Variants in RPS6KA2 observed in about 807,000 individuals in gnomAD.
RPS6KA2 encodes ribosomal protein S6 kinase A2, also known as ribosomal protein S6 kinase alpha-2.
RPS6KA2 carries 42 observed loss-of-function variants against 91.8 expected under a neutral mutation model. The observed-to-expected ratio is 0.46, with a 90% confidence interval of 0.36 to 0.59. The LOEUF is 0.59. RPS6KA2 is among the 20% of genes least tolerant of loss of function. RPS6KA2 has a pLI of 0.00. For missense variants in RPS6KA2, 798 were observed against 978.5 expected (o/e 0.82, Z 2.46); for synonymous variants, 414 against 393.6 (o/e 1.05, Z -0.61).
intron 2 of RPS6KA2, among the ~76,000 whole-genome samples, chr6:166,789,055 C>T (rs981420283): frequency 9.2e-5 from 14 of 152,210 alleles, no homozygotes; most frequent in African/African-American, 2.9e-4. Context: ...TGAAGCAGGG[C>T]GAGGCATTAC....
At chr6:166,454,527 C>T (rs531799271) in intron 12 of RPS6KA2, among the ~76,000 whole-genome samples, 4 of 151,766 alleles carry the variant, frequency 2.6e-5, no homozygotes, top group South Asian at 4.2e-4. Context: ...AACAAGCAAA[C>T]GAAAAAATCC....
At position 166,504,648 on chromosome 6, in the gene RPS6KA2, G is replaced by A. The variant is rs745518757; in HGVS notation, c.460-36C>T. The A allele has an allele frequency of 7.1e-6, 10 of 1,417,112 alleles. No individual in the cohort carries two copies. The African/African-American group carries it at 8.5e-5, about 12-fold the overall frequency. 87.8% of individuals were successfully genotyped at this position (1,417,112 alleles called of 1,614,324 possible). On this transcript the variant is annotated intron_variant, in intron 5 of 20. Transcript: ENST00000265678. Reference sequence around the variant, plus strand: ...AAAAACAAAAACAAAAACAAAAAACGTTTAACTTGTTTTATGGCTGGTGTG... The same window carrying A: ...AAAAACAAAAACAAAAACAAAAAACATTTAACTTGTTTTATGGCTGGTGTG...
At chr6:166,680,106 G>A (rs939691663) in intron 2 of RPS6KA2, among the ~76,000 whole-genome samples, 1 of 152,130 alleles carries the variant, frequency 6.6e-6, no homozygotes, top group Non-Finnish European at 1.5e-5. Context: ...CTAACGGTTT[G>A]TAAACGTGCC....
At chr6:166,619,728 G>A (rs1016368547) in intron 1 of RPS6KA2, among the ~76,000 whole-genome samples, 9 of 152,240 alleles carry the variant, frequency 5.9e-5, no homozygotes, top group African/African-American at 2.2e-4. Flanking sequence ...CAGAACAAGA[G>A]GCTTCCTTGG....
intron 2 of RPS6KA2, among the ~76,000 whole-genome samples, chr6:166,679,332 C>T (rs976920386): frequency 2.6e-5 from 4 of 151,332 alleles, no homozygotes; most frequent in East Asian, 1.9e-4. Flanking sequence ...GGCATGGTGG[C>T]GGGTGCCTGT....
rs1056280922 is a variant in RPS6KA2, at chr6:166,689,061, G to A, written c.124-150277C>T. On this transcript the variant is annotated intron_variant, in intron 2 of 21. Transcript: ENST00000503859. The stretch of plus-strand genomic sequence containing the variant: ...CTGAGTACAAGGGGAACCTCCTGCC[G>A]AAGGCCAGCCCTGAGCAGGTCCTCC... Among the ~76,000 whole-genome samples the A allele has an allele frequency of 2.6e-5, 4 of 152,230 alleles. 1 individual carries two copies. In the East Asian group the frequency reaches 5.8e-4, roughly 22 times the overall value.
At chr6:166,415,668 C>T (rs1425976639) in intron 19 of RPS6KA2, among the ~76,000 whole-genome samples, 1 of 152,124 alleles carries the variant, frequency 6.6e-6, no homozygotes, top group East Asian at 1.9e-4. Flanking sequence ...AGACACACCA[C>T]CAGCACCCAC....
chr6:166,860,205 G>A (rs1315470240), intron 1 of RPS6KA2, among the ~76,000 whole-genome samples: 6 of 152,060 alleles, frequency 3.9e-5, no homozygotes, highest in Admixed American at 3.3e-4. Flanking sequence ...AAAGAACTCT[G>A]GTTTTCTGGG....
intron 2 of RPS6KA2, among the ~76,000 whole-genome samples, chr6:166,692,281 G>A (rs1471730649): frequency 1.3e-5 from 2 of 152,114 alleles, no homozygotes; most frequent in Non-Finnish European, 1.5e-5. Flanking sequence ...AATAAAAGAA[G>A]CAAACAGCGC....
Position 166,476,684 on chromosome 6 carries a change from GGA to G in RPS6KA2, c.908-6781_908-6780del, listed in dbSNP as rs1562521214. Among the ~76,000 whole-genome samples the G allele has an allele frequency of 1.5e-4, 23 of 152,158 alleles. No individual in the cohort carries two copies. The South Asian group carries it at 4.8e-3, about 32-fold the overall frequency. ...TCTCCCTGGGGGAGGCCATAGAGAG[GGA>G]GAGTCTACAGCTCGAGGGGACTCAC... On this transcript the variant is annotated intron_variant, in intron 10 of 20. Coordinates refer to ENST00000265678, the MANE Select transcript of RPS6KA2 (RefSeq NM_021135.6).
intron 16 of RPS6KA2, among the ~76,000 whole-genome samples, chr6:166,424,238 C>A (rs1373992642): frequency 6.6e-6 from 1 of 152,018 alleles, no homozygotes; most frequent in East Asian, 1.9e-4. Flanking sequence ...ACTTCCATTA[C>A]CTCCCCTCAT....
At chr6:166,417,461 C>G (rs1171498815) in intron 19 of RPS6KA2, among the ~76,000 whole-genome samples, 2 of 152,172 alleles carry the variant, frequency 1.3e-5, no homozygotes, top group Non-Finnish European at 2.9e-5. Context: ...AGACTGCTCC[C>G]CTGAGGAAGA....
intron 1 of RPS6KA2, among the ~76,000 whole-genome samples, chr6:166,572,056 C>A (rs1784704507): frequency 1.3e-5 from 2 of 152,144 alleles, no homozygotes; most frequent in African/African-American, 4.8e-5. Context: ...AACACGAGAA[C>A]ATACACTATA....
intron 10 of RPS6KA2, among the ~76,000 whole-genome samples, chr6:166,488,557 G>C (rs1410409167): frequency 6.6e-6 from 1 of 152,264 alleles, no homozygotes; most frequent in Non-Finnish European, 1.5e-5. Flanking sequence ...AGTCAGATTG[G>C]TTGAAGGATA....
At chr6:166,466,404 G>A (rs908580773) in intron 11 of RPS6KA2, among the ~76,000 whole-genome samples, 1 of 152,236 alleles carries the variant, frequency 6.6e-6, no homozygotes, top group Non-Finnish European at 1.5e-5. Flanking sequence ...TAGCAAGTGC[G>A]TAAGCCCTTC....
rs1187959530 is a variant in RPS6KA2, at chr6:166,430,684, C to CAGGAGAGGGAAGTCAGAG, written c.1423-91_1423-74dup. 4.0e-6 allele frequency: 6 copies of CAGGAGAGGGAAGTCAGAG among 1,489,220 alleles called. No homozygotes were observed. In the African/African-American group the frequency reaches 8.3e-5, roughly 21 times the overall value. 92.3% of individuals were successfully genotyped at this position (1,489,220 alleles called of 1,614,324 possible). A position where few individuals can be genotyped will look rare whatever the true frequency, so the allele number is the denominator to read the frequency against. On this transcript the variant is annotated intron_variant, in intron 15 of 20. Transcript: ENST00000265678. ...GAAAGAGCAACTACTCCAGAGGGGACAGGAGAGGGAAGTCAGAGGGGAGAG... is the reference window on the plus strand; with the variant it reads ...GAAAGAGCAACTACTCCAGAGGGGACAGGAGAGGGAAGTCAGAGAGGAGAGGGAAGTCAGAGGGGAGAG...
chr6:166,639,454 C>T lies in RPS6KA2; in HGVS notation c.124-100670G>A, dbSNP rs934096332. Reference sequence around the variant, plus strand: ...GGCTAAAGGCTTTCCCTACAACCCACCTGTGGTCCTGCCACCAGCCTGATC... The same window carrying T: ...GGCTAAAGGCTTTCCCTACAACCCATCTGTGGTCCTGCCACCAGCCTGATC... On this transcript the variant is annotated intron_variant, in intron 2 of 21. Transcript: ENST00000503859. The surrounding 1 kb of genome is among the most constrained non-coding windows in gnomAD (Gnocchi z 4.2). Among the ~76,000 whole-genome samples the T allele has an allele frequency of 6.6e-6, 1 of 152,240 alleles. No individual in the cohort carries two copies. Among genetic ancestry groups the T allele is most frequent in the African/African-American group, 2.4e-5 (1 of 41,462 alleles).
intron 2 of RPS6KA2, among the ~76,000 whole-genome samples, chr6:166,843,626 A>T (rs1031023905): frequency 2.9e-4 from 44 of 152,216 alleles, no homozygotes; most frequent in African/African-American, 1.0e-3. Context: ...GTACCAGCCC[A>T]GAGCCAGTAG....
chr6:166,684,251 C>T (rs1788934289), intron 2 of RPS6KA2, among the ~76,000 whole-genome samples: 1 of 152,134 alleles, frequency 6.6e-6, no homozygotes, highest in African/African-American at 2.4e-5. Flanking sequence ...CCATGGCAAC[C>T]CCCAGGCATT....
Sources: gnomAD v4.1 joint callset for allele counts (sites outside exome capture counted in the v4.1 genomes callset) on GRCh38, gnomAD v4.1.1 for gene constraint, Gnocchi (gnomAD v3.1) non-coding constraint, MANE v1.5 for transcripts, NCBI Gene and HGNC (gene_info 2026-07-23, HGNC 2026-07-21) for gene names.